Variants in PACRG observed in about 807,000 individuals in gnomAD.
PACRG encodes the protein parkin coregulated gene protein.
In PACRG, 29 loss-of-function variants were observed where a neutral mutation model predicts 29.7. That is an observed-to-expected ratio of 0.98 (90% CI 0.73 to 1.33). The LOEUF (loss-of-function observed/expected upper bound fraction) is 1.33. Among genes scored for constraint, PACRG ranks in the 40% most tolerant of loss-of-function variants. The pLI is 0.00. For synonymous variants in PACRG, 116 were observed against 118.7 expected (o/e 0.98, Z 0.15); for missense variants, 279 against 316.2 (o/e 0.88, Z 0.89).
intron 4 of PACRG, chr6:163,190,241 G>A (rs556495498): frequency 3.3e-5 from 5 of 152,162 alleles, no homozygotes; most frequent in East Asian, 3.9e-4. Context: ...AATACAAATC[G>A]AATCTTCAAT....
intron 2 of PACRG, among the ~76,000 whole-genome samples, chr6:162,968,972 A>G (rs1433502275): frequency 6.9e-6 from 1 of 145,162 alleles, no homozygotes; most frequent in African/African-American, 2.6e-5. Context: ...GCTTGAACCC[A>G]GGAAGCGAAG....
At chr6:163,116,720 G>C (rs1005783096) in intron 4 of PACRG, among the ~76,000 whole-genome samples, 1 of 152,238 alleles carries the variant, frequency 6.6e-6, no homozygotes, top group East Asian at 1.9e-4. Context: ...GGATAATGGA[G>C]AGGAGGAAAA....
chr6:163,248,977 C>G (rs1782797877), intron 4 of PACRG, among the ~76,000 whole-genome samples: 1 of 146,966 alleles, frequency 6.8e-6, no homozygotes, highest in Admixed American at 6.9e-5. Flanking sequence ...GATCACGCCA[C>G]TGCACTCCAG....
chr6:163,081,506 C>T lies in PACRG; in HGVS notation c.464-7753C>T, dbSNP rs77412005. ...CATGGTGGCTCACGCCTGTTAATCCCAACACTTTGGAAGGCCAAGGAGGGC... is the reference window on the plus strand; with the variant it reads ...CATGGTGGCTCACGCCTGTTAATCCTAACACTTTGGAAGGCCAAGGAGGGC... On this transcript the variant is annotated intron_variant, in intron 3 of 4. Transcript: ENST00000366888. Among the ~76,000 whole-genome samples, 373 of 152,238 alleles carry T rather than the reference C, an allele frequency of 2.5e-3. 10 individuals carry two copies. In the East Asian group the frequency reaches 0.062, roughly 25 times the overall value.
intron 2 of PACRG, among the ~76,000 whole-genome samples, chr6:162,850,458 A>G (rs1790764786): frequency 1.3e-5 from 2 of 152,228 alleles, no homozygotes; most frequent in African/African-American, 2.4e-5. Context: ...AGACCAAAGC[A>G]TGACTAGAGT....
At chr6:163,053,814 C>T (rs575803347) in intron 2 of PACRG, 1 of 152,310 alleles carries the variant, frequency 6.6e-6, no homozygotes, top group South Asian at 2.1e-4. Flanking sequence ...GGCACAGCCA[C>T]TCATCATCTG....
At chr6:162,929,441 T>G (rs1797687563) in intron 2 of PACRG, among the ~76,000 whole-genome samples, 1 of 152,028 alleles carries the variant, frequency 6.6e-6, no homozygotes, top group Non-Finnish European at 1.5e-5. Flanking sequence ...ATTTACTTTT[T>G]GTTATTGAGT....
chr6:163,140,558 G>C (rs1817112843), intron 4 of PACRG, among the ~76,000 whole-genome samples: 1 of 152,198 alleles, frequency 6.6e-6, no homozygotes, highest in South Asian at 2.1e-4. Context: ...GGGAAAGAGA[G>C]AGCAACAATT....
At chr6:162,751,902 C>T (rs1781540173) in intron 1 of PACRG, among the ~76,000 whole-genome samples, 1 of 152,168 alleles carries the variant, frequency 6.6e-6, no homozygotes, top group African/African-American at 2.4e-5. Context: ...CAGTATTAGT[C>T]TTCTGTATCG....
chr6:162,747,673 C>A (rs1438826026), intron 1 of PACRG, among the ~76,000 whole-genome samples: 1 of 150,956 alleles, frequency 6.6e-6, no homozygotes, highest in African/African-American at 2.4e-5. Flanking sequence ...ACCAATCAAC[C>A]AGATTGAGCG....
intron 4 of PACRG, among the ~76,000 whole-genome samples, chr6:163,234,996 G>T (rs1205064426): frequency 1.3e-5 from 2 of 152,154 alleles, no homozygotes; most frequent in Non-Finnish European, 2.9e-5. Flanking sequence ...AAGACGAAAA[G>T]ACACGACTAT....
chr6:163,130,237 G>C (rs145190314), intron 4 of PACRG, among the ~76,000 whole-genome samples: 2 of 152,262 alleles, frequency 1.3e-5, no homozygotes, highest in African/African-American at 4.8e-5. Context: ...AGCACCTTTG[G>C]GGGTGGAGGA....
chr6:162,740,404 G>A (rs1341230186), intron 1 of PACRG, among the ~76,000 whole-genome samples: 8 of 151,164 alleles, frequency 5.3e-5, no homozygotes, highest in Non-Finnish European at 8.8e-5. Context: ...TCCACCTTCC[G>A]GGTTCACGCC....
intron 2 of PACRG, among the ~76,000 whole-genome samples, chr6:162,918,488 A>C (rs1796849811): frequency 6.6e-6 from 1 of 152,208 alleles, no homozygotes; most frequent in African/African-American, 2.4e-5. Flanking sequence ...CCCAGTCTGC[A>C]ATTTTGTTTT....
chr6:162,898,363 C>T (rs139569230), intron 2 of PACRG, among the ~76,000 whole-genome samples: 5 of 152,122 alleles, frequency 3.3e-5, no homozygotes, highest in African/African-American at 1.2e-4. Flanking sequence ...CGCGCACCAG[C>T]CTTTACACTG....
intron 4 of PACRG, among the ~76,000 whole-genome samples, chr6:163,239,194 A>C (rs1394649943): frequency 1.3e-5 from 2 of 152,328 alleles, no homozygotes; most frequent in Admixed American, 6.5e-5. Context: ...TGACAAGCAA[A>C]ATAATGATTG....
chr6:163,064,156 A>ACTG (rs1811335466), intron 3 of PACRG, among the ~76,000 whole-genome samples: 1 of 151,528 alleles, frequency 6.6e-6, no homozygotes, highest in Admixed American at 6.6e-5. Flanking sequence ...CTCAGAGTCC[A>ACTG]CTGGAAGACA....
intron 4 of PACRG, among the ~76,000 whole-genome samples, chr6:163,107,055 G>C (rs746422637): frequency 6.6e-6 from 1 of 152,134 alleles, no homozygotes; most frequent in African/African-American, 2.4e-5. Context: ...TCTTCAGCTT[G>C]AATGTTTATC....
intron 4 of PACRG, among the ~76,000 whole-genome samples, chr6:163,231,704 A>G (rs1782051956): frequency 6.6e-6 from 1 of 152,080 alleles, no homozygotes; most frequent in Admixed American, 6.5e-5. Flanking sequence ...TTTACCCTCA[A>G]CAAACTCCAT....
Sources: allele counts gnomAD v4.1 joint callset (sites outside exome capture counted in the v4.1 genomes callset), GRCh38; gene constraint gnomAD v4.1.1; transcripts MANE v1.5; gene names NCBI Gene and HGNC (gene_info 2026-07-23, HGNC 2026-07-21).